The following SLC25A21 variants were observed in gnomAD, a reference collection of about 807,000 sequenced individuals.
SLC25A21 encodes solute carrier family 25 member 21, also known as mitochondrial 2-oxodicarboxylate carrier.
In SLC25A21, 47 loss-of-function variants were observed where a neutral mutation model predicts 43.8. That is an observed-to-expected ratio of 1.07 (90% CI 0.85 to 1.37). The LOEUF (loss-of-function observed/expected upper bound fraction) is 1.37, where lower values mean the gene tolerates loss of function less well. Among genes scored for constraint, SLC25A21 ranks in the 40% most tolerant of loss-of-function variants. The probability of loss-of-function intolerance (pLI) is 0.00; values close to 1 mark genes in which losing one functional copy is unlikely to be tolerated. For synonymous variants in SLC25A21, 131 were observed against 121.3 expected (o/e 1.08, Z -0.52); for missense variants, 352 against 350.2 (o/e 1.00, Z -0.04).
chr14:36,764,859 T>A (rs1387773546), intron 3 of SLC25A21, among the ~76,000 whole-genome samples: 1 of 152,226 alleles, frequency 6.6e-6, no homozygotes, highest in Non-Finnish European at 1.5e-5. Context: ...CTCATATGGC[T>A]ACATGTATTG....
At chr14:37,108,783 T>C (rs969073099) in intron 1 of SLC25A21, among the ~76,000 whole-genome samples, 9 of 151,950 alleles carry the variant, frequency 5.9e-5, no homozygotes, top group African/African-American at 2.2e-4. Context: ...TTTTGGCTTT[T>C]CAGTCTGGAA....
chr14:37,048,000 GCAGAACC>G (rs1961624464), intron 1 of SLC25A21, among the ~76,000 whole-genome samples: 2 of 152,242 alleles, frequency 1.3e-5, no homozygotes, highest in South Asian at 4.1e-4. Context: ...TAAAATTAAT[GCAGAACC>G]CATCACAGCT....
At chr14:36,978,597 A>C (rs1959936747) in intron 1 of SLC25A21, among the ~76,000 whole-genome samples, 1 of 152,192 alleles carries the variant, frequency 6.6e-6, no homozygotes, top group African/African-American at 2.4e-5. Context: ...TTTTATGATG[A>C]TACTCCTGCC....
chr14:37,163,448 A>C (rs1963982887), intron 1 of SLC25A21, among the ~76,000 whole-genome samples: 1 of 152,170 alleles, frequency 6.6e-6, no homozygotes, highest in Non-Finnish European at 1.5e-5. Context: ...CAATGTGTAT[A>C]AACCATGATA....
chr14:36,978,250 G>T (rs1289974151), intron 1 of SLC25A21, among the ~76,000 whole-genome samples: 1 of 152,060 alleles, frequency 6.6e-6, no homozygotes, highest in Non-Finnish European at 1.5e-5. Flanking sequence ...CTATGGGTTT[G>T]GTTCTAGACT....
At chr14:37,133,140 C>T (rs1325196519) in intron 1 of SLC25A21, among the ~76,000 whole-genome samples, 2 of 122,448 alleles carry the variant, frequency 1.6e-5, no homozygotes, top group Non-Finnish European at 1.7e-5. Flanking sequence ...TGTGTGCACT[C>T]GTGCACACAC....
chr14:37,117,068 T>C (rs1269470470), intron 1 of SLC25A21, among the ~76,000 whole-genome samples: 1 of 152,172 alleles, frequency 6.6e-6, no homozygotes, highest in African/African-American at 2.4e-5. Flanking sequence ...TTTCTTATAG[T>C]TTATAGCTGA....
chr14:36,897,525 T>G (rs1186148433), intron 1 of SLC25A21, among the ~76,000 whole-genome samples: 2 of 152,236 alleles, frequency 1.3e-5, no homozygotes, highest in African/African-American at 4.8e-5. Context: ...TGAAGCCTTC[T>G]TCTCCCAACT....
intron 1 of SLC25A21, among the ~76,000 whole-genome samples, chr14:37,159,345 A>C (rs2138946067): frequency 1.3e-5 from 2 of 152,296 alleles, no homozygotes; most frequent in South Asian, 4.1e-4. Flanking sequence ...GGCTATAGTA[A>C]CCAAAACAGT....
At chr14:36,985,757 C>A (rs1208469237) in intron 1 of SLC25A21, among the ~76,000 whole-genome samples, 1 of 152,126 alleles carries the variant, frequency 6.6e-6, no homozygotes, top group African/African-American at 2.4e-5. Context: ...ATTTAAAAGT[C>A]AGCATTCTTA....
At chr14:36,844,177 T>C (rs1267727644) in intron 2 of SLC25A21, among the ~76,000 whole-genome samples, 3 of 152,196 alleles carry the variant, frequency 2.0e-5, no homozygotes, top group African/African-American at 7.2e-5. Flanking sequence ...AGGCATCTAA[T>C]TTATGAGCAT....
At chr14:36,917,367 G>A (rs925373438) in intron 1 of SLC25A21, among the ~76,000 whole-genome samples, 1 of 152,124 alleles carries the variant, frequency 6.6e-6, no homozygotes, top group Non-Finnish European at 1.5e-5. Context: ...AAATGGCCAT[G>A]TTTCTTATCT....
At chr14:36,711,777 T>C (rs1469998720) in intron 6 of SLC25A21, among the ~76,000 whole-genome samples, 9 of 152,220 alleles carry the variant, frequency 5.9e-5, no homozygotes, top group African/African-American at 2.2e-4. Flanking sequence ...ATGTAAGTAA[T>C]TACATCCAAT....
rs541483748 is a variant in SLC25A21, at chr14:37,140,665, T to G, written c.70+31616A>C. Reference sequence around the variant, plus strand: ...ATGCAGAAAAACAGATACTGAATGTTATATGAAGTATTTATTTATAAAAAC... The same window carrying G: ...ATGCAGAAAAACAGATACTGAATGTGATATGAAGTATTTATTTATAAAAAC... On this transcript the variant is annotated intron_variant, in intron 1 of 9. Coordinates refer to ENST00000331299, the MANE Select transcript of SLC25A21 (RefSeq NM_030631.4). Among the ~76,000 whole-genome samples the G allele has an allele frequency of 2.3e-4, 35 of 152,350 alleles. 1 individual carries two copies. The highest frequency in any genetic ancestry group is 1.2e-3 in the South Asian group (6 of 4,832).
chr14:37,038,576 T>C (rs1034437121), intron 1 of SLC25A21, among the ~76,000 whole-genome samples: 1 of 152,154 alleles, frequency 6.6e-6, no homozygotes. Flanking sequence ...GAGTTTCCTA[T>C]TATGAAATAA....
At chr14:36,692,993 T>C (rs895543080) in intron 7 of SLC25A21, among the ~76,000 whole-genome samples, 66 of 152,200 alleles carry the variant, frequency 4.3e-4, no homozygotes, top group African/African-American at 1.2e-3. Context: ...CTGTGACTCA[T>C]TCCCATGCCC....
chr14:36,701,967 C>A (rs1883297413), intron 7 of SLC25A21, among the ~76,000 whole-genome samples: 1 of 152,160 alleles, frequency 6.6e-6, no homozygotes, highest in Non-Finnish European at 1.5e-5. Flanking sequence ...AAGAAGAAGT[C>A]TTTGAACCAA....
rs1341726896 is a variant in SLC25A21, at chr14:36,826,369, TG to T, written c.120-12369del. 2.0e-5 allele frequency among the ~76,000 whole-genome samples: 3 copies of T among 152,180 alleles called. No individual in the cohort carries two copies. In the East Asian group the frequency reaches 5.8e-4, roughly 29 times the overall value. ...GACTAATTGCCTCACATTACTTTTC[TG>T]GTTGTTTCCCTGTATAGTTTTGTGC... On this transcript the variant is annotated intron_variant, in intron 2 of 9. Coordinates refer to ENST00000331299, the MANE Select transcript of SLC25A21 (RefSeq NM_030631.4).
At chr14:37,007,375 G>A (rs1035283640) in intron 1 of SLC25A21, among the ~76,000 whole-genome samples, 1 of 152,182 alleles carries the variant, frequency 6.6e-6, no homozygotes, top group South Asian at 2.1e-4. Flanking sequence ...GGCTGAGGCA[G>A]TCAGATCACT....
Sources: allele counts gnomAD v4.1 joint callset (sites outside exome capture counted in the v4.1 genomes callset), GRCh38; gene constraint gnomAD v4.1.1; transcripts MANE v1.5; gene names NCBI Gene and HGNC (gene_info 2026-07-23, HGNC 2026-07-21).